The following TBX4 variants were observed in gnomAD, a reference collection of about 807,000 sequenced individuals.
The protein encoded by TBX4 is T-box transcription factor TBX4.
Under a neutral mutation model 54.6 loss-of-function variants are expected in TBX4, and 13 were observed. The observed-to-expected ratio is 0.24, with a 90% CI of 0.15 to 0.38. The LOEUF (loss-of-function observed/expected upper bound fraction) is 0.38. TBX4 is among the 10% of genes least tolerant of loss of function. The pLI is 1.00. For synonymous variants in TBX4, 314 were observed against 306.7 expected (o/e 1.02, Z -0.25); for missense variants, 631 against 728.5 (o/e 0.87, Z 1.54).
Position 61,464,642 on chromosome 17 carries a change from T to C in TBX4, c.282-1177T>C, listed in dbSNP as rs749801655. 8.5e-5 allele frequency among the ~76,000 whole-genome samples: 13 copies of C among 152,254 alleles called. No individual in the cohort carries two copies. The highest frequency in any genetic ancestry group is 1.2e-4 in the Non-Finnish European group (8 of 68,018). On this transcript the variant is annotated intron_variant, in intron 3 of 8. Transcript: ENST00000644296. The surrounding 1 kb of genome is among the most constrained non-coding windows in gnomAD (Gnocchi z 5.8). ...CTGTTTCTCTTGGGGAACACCTTTG[T>C]GGAAGATCAGCTGGGGTGGGGGATG...
Position 61,464,269 on chromosome 17 carries a change from AAG to A in TBX4, c.282-1545_282-1544del, listed in dbSNP as rs1418075324. The A allele has an allele frequency of 1.3e-5, 2 of 152,308 alleles. No individual in the cohort carries two copies. The highest frequency in any genetic ancestry group is 2.9e-5 in the Non-Finnish European group (2 of 68,120). 9.4% of individuals were successfully genotyped at this position (152,308 alleles called of 1,614,324 possible). A position where few individuals can be genotyped will look rare whatever the true frequency, so the allele number is the denominator to read the frequency against. On this transcript the variant is annotated intron_variant, in intron 3 of 8. Transcript: ENST00000644296. The surrounding 1 kb of genome is among the most constrained non-coding windows in gnomAD (Gnocchi z 5.8). ...TGCTTGCACAGGCCTCTCCTCCAGCAAGAGAGGGGCACAGGCGGGGCTGGGTG... is the reference window on the plus strand; with the variant it reads ...TGCTTGCACAGGCCTCTCCTCCAGCAAGAGGGGCACAGGCGGGGCTGGGTG...
rs1217811819 is a variant in TBX4, at chr17:61,459,816, T to A, written c.281+2185T>A. 1.3e-5 allele frequency among the ~76,000 whole-genome samples: 2 copies of A among 152,192 alleles called. No homozygotes were observed. Among genetic ancestry groups the A allele is most frequent in the African/African-American group, 4.8e-5 (2 of 41,450 alleles). On this transcript the variant is annotated intron_variant, in intron 3 of 8. Transcript: ENST00000644296. This position sits in a 1 kb window ranked among gnomAD's most constrained non-coding sequence, Gnocchi z 4.8. ...AAGTTATCCTTGCACTGGGTCTGGTTCTTAAGAAAATCACTAGTCTCATGC... is the reference window on the plus strand; with the variant it reads ...AAGTTATCCTTGCACTGGGTCTGGTACTTAAGAAAATCACTAGTCTCATGC...
At chr17:61,463,305 C>A in intron 3 of TBX4, 1 of 152,568 alleles carries the variant, frequency 6.6e-6, no homozygotes, top group Non-Finnish European at 1.5e-5. Flanking sequence ...ACGTCCCTGT[C>A]CCTCGGCTTC....
chr17:61,468,529 C>T (rs1238379678), intron 5 of TBX4, among the ~76,000 whole-genome samples: 4 of 152,168 alleles, frequency 2.6e-5, no homozygotes, highest in African/African-American at 4.8e-5. Context: ...AGGTATGTCC[C>T]GCTTTTACGT....
At chr17:61,469,224 C>T (rs997571457) in intron 5 of TBX4, among the ~76,000 whole-genome samples, 6 of 152,186 alleles carry the variant, frequency 3.9e-5, no homozygotes, top group African/African-American at 9.7e-5. Context: ...GAAAGCTGCG[C>T]CTTCTTTAGG....
At chr17:61,453,073 A>G in intron 1 of TBX4, 2 of 812,960 alleles carry the variant, frequency 2.5e-6, no homozygotes, top group Middle Eastern at 6.3e-4. Flanking sequence ...ATAAATAATG[A>G]TCGATGATTA....
Position 61,462,451 on chromosome 17 carries a change from C to T in TBX4, c.282-3368C>T, listed in dbSNP as rs2060502314. Among the ~76,000 whole-genome samples the T allele has an allele frequency of 1.4e-5, 2 of 144,556 alleles. No individual in the cohort carries two copies. Among genetic ancestry groups the T allele is most frequent in the African/African-American group, 5.1e-5 (2 of 39,210 alleles). 94.8% of individuals were successfully genotyped at this position (144,556 alleles called of 152,430 possible). ...GCGCTTGGGGCGCGGAGAGAAGGTG[C>T]GGGGCACGTGGAAAGCGTGCCGAGG... On this transcript the variant is annotated intron_variant, in intron 3 of 8. Coordinates refer to ENST00000644296, the MANE Select transcript of TBX4 (RefSeq NM_001321120.2). This position sits in a 1 kb window ranked among gnomAD's most constrained non-coding sequence, Gnocchi z 4.5.
chr17:61,454,149 A>G (rs1283903565), intron 1 of TBX4, among the ~76,000 whole-genome samples: 2 of 152,260 alleles, frequency 1.3e-5, no homozygotes, highest in African/African-American at 2.4e-5. Flanking sequence ...TATTAAAGAT[A>G]CAAAGTAGTA....
rs183868550 is a variant in TBX4, at chr17:61,484,288, T to C, written c.*772T>C. ...AGCATCTCTGTCATCATTCAGATTT[T>C]GTAATAAAGTACAGAGCCCTTCCCC... On this transcript the variant is annotated 3_prime_UTR_variant, in exon 9 of 9. Transcript: ENST00000644296. The surrounding 1 kb of genome is among the most constrained non-coding windows in gnomAD (Gnocchi z 4.1). The C allele has an allele frequency of 6.6e-6, 1 of 152,264 alleles. No homozygotes were observed. The highest frequency in any genetic ancestry group is 1.9e-4 in the East Asian group (1 of 5,180). 9.4% of individuals were successfully genotyped at this position (152,264 alleles called of 1,614,324 possible). A position where few individuals can be genotyped will look rare whatever the true frequency, so the allele number is the denominator to read the frequency against.
chr17:61,469,775 A>C (rs1222804092), intron 5 of TBX4, among the ~76,000 whole-genome samples: 2 of 152,198 alleles, frequency 1.3e-5, no homozygotes, highest in Non-Finnish European at 2.9e-5. Context: ...ACCCATTTGG[A>C]CATTGATTTT....
chr17:61,466,086 C>A, intron 4 of TBX4, 148 bp downstream of exon 4: 1 of 1,348,852 alleles, frequency 7.4e-7, no homozygotes, highest in Non-Finnish European at 1.0e-6. Context: ...ACTGGCTGTG[C>A]GGAGGCTGAG....
At position 61,483,850 on chromosome 17, in the gene TBX4, T is replaced by A; in HGVS notation, c.*334T>A. ...GTTCATATGAGTTATTGAGAGGGTT[T>A]TATAATGGTTGATTTACTCAGGGGC... is the stretch of plus-strand genomic sequence containing the variant. On this transcript the variant is annotated 3_prime_UTR_variant, in exon 9 of 9. Coordinates refer to ENST00000644296, the MANE Select transcript of TBX4 (RefSeq NM_001321120.2). The surrounding 1 kb of genome is among the most constrained non-coding windows in gnomAD (Gnocchi z 6.6). 3.0e-6 allele frequency: 1 copy of A among 332,326 alleles called. No homozygotes were observed. The highest frequency in any genetic ancestry group is 5.8e-6 in the Non-Finnish European group (1 of 173,134). The allele number at this position is 332,326 out of a possible 1,614,324, so 20.6% of individuals were successfully genotyped here.
Position 61,484,857 on chromosome 17 carries a change from A to G in TBX4, c.*1341A>G, listed in dbSNP as rs1437487793. 1.4e-5 allele frequency: 2 copies of G among 147,996 alleles called. No homozygotes were observed. The highest frequency in any genetic ancestry group is 4.9e-5 in the African/African-American group (2 of 40,716). The allele number at this position is 147,996 out of a possible 1,614,324, so 9.2% of individuals were successfully genotyped here. ...TGAACTTAATAAAAATAAACGTTGG[A>G]GGGGGTATTTGGAAAGACATCTATT... On this transcript the variant is annotated 3_prime_UTR_variant, in exon 9 of 9. Transcript: ENST00000644296. The surrounding 1 kb of genome is among the most constrained non-coding windows in gnomAD (Gnocchi z 4.1).
At position 61,462,279 on chromosome 17, in the gene TBX4, C is replaced by T. The variant is rs998997964; in HGVS notation, c.282-3540C>T. 6.6e-6 allele frequency among the ~76,000 whole-genome samples: 1 copy of T among 152,226 alleles called. No homozygotes were observed. Among genetic ancestry groups the T allele is most frequent in the African/African-American group, 2.4e-5 (1 of 41,472 alleles). Reference sequence around the variant, plus strand: ...CAGAGGAGAAGCCCCGGGCTTTCATCTCCTCCCGGGCCGGCGAGCAGGCGG... The same window carrying T: ...CAGAGGAGAAGCCCCGGGCTTTCATTTCCTCCCGGGCCGGCGAGCAGGCGG... On this transcript the variant is annotated intron_variant, in intron 3 of 8. Coordinates refer to ENST00000644296, the MANE Select transcript of TBX4 (RefSeq NM_001321120.2). This position sits in a 1 kb window ranked among gnomAD's most constrained non-coding sequence, Gnocchi z 4.5.
rs2060638958 is a variant in TBX4, at chr17:61,478,579, G to T, written c.550-48G>T. 6.2e-7 allele frequency: 1 copy of T among 1,613,832 alleles called. No individual in the cohort carries two copies. The highest frequency in any genetic ancestry group is 8.5e-7 in the Non-Finnish European group (1 of 1,179,738). On this transcript the variant is annotated intron_variant, in intron 5 of 8. Coordinates refer to ENST00000644296, the MANE Select transcript of TBX4 (RefSeq NM_001321120.2). This position sits in a 1 kb window ranked among gnomAD's most constrained non-coding sequence, Gnocchi z 7.4. ...AGAAGAATGAGGTCAAGGGCCTGGG[G>T]CTTGCGGATGGGGACCTGGAGCTCA...
intron 5 of TBX4, among the ~76,000 whole-genome samples, chr17:61,471,916 T>C (rs915617088): frequency 6.8e-6 from 1 of 146,708 alleles, no homozygotes; most frequent in Non-Finnish European, 1.5e-5. Flanking sequence ...TTTTTTTTTT[T>C]TTTTTTTAGT....
At position 61,459,966 on chromosome 17, in the gene TBX4, C is replaced by T. The variant is rs2060483325; in HGVS notation, c.281+2335C>T. Among the ~76,000 whole-genome samples the T allele has an allele frequency of 6.6e-6, 1 of 152,048 alleles. No homozygotes were observed. Among genetic ancestry groups the T allele is most frequent in the Admixed American group, 6.6e-5 (1 of 15,256 alleles). ...TGGTTCTTCAACATCCTGTCCAGTG[C>T]CTCTCCCTGCTCCCCAAATTCTGTG... On this transcript the variant is annotated intron_variant, in intron 3 of 8. Transcript: ENST00000644296. The surrounding 1 kb of genome is among the most constrained non-coding windows in gnomAD (Gnocchi z 4.8).
chr17:61,471,543 A>ATTTTTTT (rs59212228), intron 5 of TBX4, among the ~76,000 whole-genome samples: 51 of 136,304 alleles, frequency 3.7e-4, no homozygotes, highest in African/African-American at 1.1e-3. Context: ...TCTTTTCAGC[A>ATTTTTTT]TTTTTTTTTT....
At chr17:61,468,969 C>G (rs1156913594) in intron 5 of TBX4, among the ~76,000 whole-genome samples, 1 of 152,182 alleles carries the variant, frequency 6.6e-6, no homozygotes, top group Admixed American at 6.5e-5. Context: ...TAGGGAGGGT[C>G]TCTGTGTGGG....
Sources: gnomAD v4.1 joint callset for allele counts (sites outside exome capture counted in the v4.1 genomes callset) on GRCh38, gnomAD v4.1.1 for gene constraint, Gnocchi (gnomAD v3.1) non-coding constraint, MANE v1.5 for transcripts, NCBI Gene and HGNC (gene_info 2026-07-23, HGNC 2026-07-21) for gene names.